The following DIAPH2 variants were observed in gnomAD, a reference collection of about 807,000 sequenced individuals.
DIAPH2 encodes protein diaphanous homolog 2.
In DIAPH2, 35 loss-of-function variants were observed where a neutral mutation model predicts 92.7. The observed-to-expected ratio is 0.38, with a 90% CI of 0.29 to 0.50. DIAPH2 has a LOEUF of 0.50. Ranked by LOEUF, DIAPH2 falls within the 20% of genes least tolerant of loss-of-function variation. DIAPH2 has a pLI of 0.94. For synonymous variants in DIAPH2, 301 were observed against 280.4 expected (o/e 1.07, Z -0.73); for missense variants, 701 against 819.5 (o/e 0.86, Z 1.77).
At chrX:97,258,744 G>C (rs1475943760) in intron 23 of DIAPH2, among the ~76,000 whole-genome samples, 2 of 104,988 alleles carry the variant, frequency 1.9e-5, no homozygotes, top group African/African-American at 6.9e-5. Flanking sequence ...GGTGGCGGGC[G>C]CCTGTAGTCC....
At position 96,826,803 on chromosome X, in the gene DIAPH2, A is replaced by C. The variant is rs1214453244; in HGVS notation, c.448-54776A>C. On this transcript the variant is annotated intron_variant, in intron 4 of 26. Coordinates refer to ENST00000324765, the MANE Select transcript of DIAPH2 (RefSeq NM_006729.5). ...TATCTTGCTATGTTGCCTAGGCTGGACTTAAACCCCTAGGCCCAAGTGGTC... is the reference window on the plus strand; with the variant it reads ...TATCTTGCTATGTTGCCTAGGCTGGCCTTAAACCCCTAGGCCCAAGTGGTC... 1.3e-4 allele frequency among the ~76,000 whole-genome samples: 14 copies of C among 111,399 alleles called. No individual in the cohort carries two copies. The Admixed American group carries it at 1.3e-3, about 11-fold the overall frequency.
rs1345787766 is a variant in DIAPH2 at position 97,510,650 on chromosome X, G to A, written c.3241+80905G>A. Among the ~76,000 whole-genome samples the A allele has an allele frequency of 8.2e-4, 83 of 100,878 alleles. No individual in the cohort carries two copies. The Middle Eastern group carries it at 0.029, about 35-fold the overall frequency. 87.6% of individuals were successfully genotyped at this position (100,878 alleles called of 115,157 possible). A position where few individuals can be genotyped will look rare whatever the true frequency, so the allele number is the denominator to read the frequency against. On this transcript the variant is annotated intron_variant, in intron 26 of 26. Transcript: ENST00000324765. Reference sequence around the variant, plus strand: ...GGGTTTTTATGGTTTTAGGTCTAACGTTTAAGTCTTTAATCCATCTTGAAT... The same window carrying A: ...GGGTTTTTATGGTTTTAGGTCTAACATTTAAGTCTTTAATCCATCTTGAAT...
Position 97,286,041 on chromosome X carries a change from C to CTT in DIAPH2, c.2844+38218_2844+38219dup, listed in dbSNP as rs756488579. Among the ~76,000 whole-genome samples, 279 of 91,537 alleles carry CTT rather than the reference C, an allele frequency of 3.0e-3. 1 individual carries two copies. Among genetic ancestry groups the CTT allele is most frequent in the African/African-American group, 0.011 (264 of 25,004 alleles). 79.5% of individuals were successfully genotyped at this position (91,537 alleles called of 115,157 possible). A position where few individuals can be genotyped will look rare whatever the true frequency, so the allele number is the denominator to read the frequency against. ...TGCTAATACAATCTCAGCCCAGAAA[C>CTT]TTTTTTTTTTTTTTTTTGAGATGGA... On this transcript the variant is annotated intron_variant, in intron 23 of 26. Transcript: ENST00000324765.
rs373278067 is a variant in DIAPH2, at chrX:97,072,951, C to T, written c.2061C>T (p.Asn687=). The change falls in exon 18 of 27, where the codon AAC becomes AAT. Residue 687 remains asparagine (N), a synonymous_variant. Coordinates refer to ENST00000324765, the MANE Select transcript of DIAPH2 (RefSeq NM_006729.5). ...NFATQIKVQK[N]AEALEEKKTG... ...CATTTTTTCTTTCAGTTCAAAAGAA[C>T]GCAGAAGCATTAGAAGAAAAGAAGA... The T allele has an allele frequency of 4.0e-5, 47 of 1,189,073 alleles. No individual in the cohort carries two copies. The highest frequency in any genetic ancestry group is 3.2e-4 in the South Asian group (17 of 53,666).
intron 3 of DIAPH2, among the ~76,000 whole-genome samples, chrX:96,745,001 G>A (rs1377374551): frequency 9.3e-6 from 1 of 107,743 alleles, no homozygotes; most frequent in Non-Finnish European, 1.9e-5. Flanking sequence ...ACTTTGAGGT[G>A]TAAAACTTTT....
At chrX:96,868,743 G>A (rs1353428801) in intron 4 of DIAPH2, among the ~76,000 whole-genome samples, 1 of 111,477 alleles carries the variant, frequency 9.0e-6, no homozygotes, top group Non-Finnish European at 1.9e-5. Context: ...TACTCTCAGT[G>A]CCTGGAACCT....
intron 26 of DIAPH2, among the ~76,000 whole-genome samples, chrX:97,464,155 G>A (rs2070485874): frequency 9.2e-6 from 1 of 108,503 alleles, no homozygotes; most frequent in African/African-American, 3.4e-5. Flanking sequence ...AACCAAAATG[G>A]AAAAGTTAGA....
chrX:97,423,908 C>CA (rs1201154006), intron 25 of DIAPH2, among the ~76,000 whole-genome samples: 18 of 109,787 alleles, frequency 1.6e-4, no homozygotes, highest in Non-Finnish European at 2.9e-4. Context: ...ACTCGTAGAC[C>CA]AAAAAAAACC....
At chrX:97,165,563 G>A (rs1002960058) in intron 22 of DIAPH2, among the ~76,000 whole-genome samples, 17 of 110,698 alleles carry the variant, frequency 1.5e-4, no homozygotes, top group African/African-American at 5.3e-4. Flanking sequence ...GCGCCATCTC[G>A]GCTCACTGCA....
At chrX:97,039,554 A>G (rs372531971) in intron 17 of DIAPH2, among the ~76,000 whole-genome samples, 3 of 111,369 alleles carry the variant, frequency 2.7e-5, no homozygotes, top group African/African-American at 3.3e-5. Context: ...AAGTGGTGCT[A>G]TTCATTATCA....
chrX:97,229,790 TATA>T (rs909258760), intron 22 of DIAPH2, among the ~76,000 whole-genome samples: 6 of 100,151 alleles, frequency 6.0e-5, no homozygotes, highest in Non-Finnish European at 1.2e-4. Context: ...TCAGCTTATA[TATA>T]ATAAGATATA....
In DIAPH2 at chrX:97,354,661, A is replaced by C. The variant is rs770238921; in HGVS notation, c.3009+6381A>C. Among the ~76,000 whole-genome samples, 138 of 112,838 alleles carry C rather than the reference A, an allele frequency of 1.2e-3. 1 individual carries two copies. The highest frequency in any genetic ancestry group is 5.1e-3 in the South Asian group (14 of 2,741). On this transcript the variant is annotated intron_variant, in intron 24 of 26. Coordinates refer to ENST00000324765, the MANE Select transcript of DIAPH2 (RefSeq NM_006729.5). Reference sequence around the variant, plus strand: ...AGTGCTAGGATTATAGGCGTGGGCCACTGCACCCGACCAAATCTGAGCTTT... The same window carrying C: ...AGTGCTAGGATTATAGGCGTGGGCCCCTGCACCCGACCAAATCTGAGCTTT...
At chrX:96,731,486 C>A (rs1259625890) in intron 1 of DIAPH2, among the ~76,000 whole-genome samples, 1 of 111,746 alleles carries the variant, frequency 8.9e-6, no homozygotes, top group Non-Finnish European at 1.9e-5. Flanking sequence ...TGTCCAATTT[C>A]TGTGGTAGTA....
intron 3 of DIAPH2, among the ~76,000 whole-genome samples, chrX:96,756,013 A>G (rs2064226487): frequency 9.1e-6 from 1 of 109,686 alleles, no homozygotes; most frequent in Admixed American, 9.7e-5. Flanking sequence ...GCTGGTGCAC[A>G]CCACCATGTC....
intron 3 of DIAPH2, among the ~76,000 whole-genome samples, chrX:96,757,310 G>C (rs1269199479): frequency 9.0e-6 from 1 of 111,348 alleles, no homozygotes; most frequent in African/African-American, 3.3e-5. Context: ...AAAGTTCTTT[G>C]TATATCTGGG....
At chrX:97,423,902 G>A (rs1490352668) in intron 25 of DIAPH2, among the ~76,000 whole-genome samples, 3 of 110,781 alleles carry the variant, frequency 2.7e-5, no homozygotes, top group African/African-American at 9.8e-5. Flanking sequence ...GGTTGAACTC[G>A]TAGACCAAAA....
At chrX:97,092,802 G>T (rs978580312) in intron 19 of DIAPH2, among the ~76,000 whole-genome samples, 1 of 111,518 alleles carries the variant, frequency 9.0e-6, no homozygotes, top group African/African-American at 3.3e-5. Flanking sequence ...GTGGCAGTTT[G>T]TCATGGCCGT....
intron 26 of DIAPH2, among the ~76,000 whole-genome samples, chrX:97,553,074 C>T (rs1483046247): frequency 8.9e-6 from 1 of 111,977 alleles, no homozygotes; most frequent in East Asian, 2.8e-4. Flanking sequence ...AGGACTTCAA[C>T]ATATGTATTT....
At chrX:96,720,030 T>A (rs757056848) in intron 1 of DIAPH2, among the ~76,000 whole-genome samples, 1 of 111,677 alleles carries the variant, frequency 9.0e-6, no homozygotes, top group African/African-American at 3.2e-5. Flanking sequence ...AGACTCCAGG[T>A]ATAACCTCTT....
Sources: allele counts gnomAD v4.1 joint callset (sites outside exome capture counted in the v4.1 genomes callset), GRCh38; gene constraint gnomAD v4.1.1; transcripts MANE v1.5; gene names NCBI Gene and HGNC (gene_info 2026-07-23, HGNC 2026-07-21).